The following SCP2 variants were observed in gnomAD, a reference collection of about 807,000 sequenced individuals.
The protein encoded by SCP2 is sterol carrier protein 2, also known as SCP-2/3-oxoacyl-CoA thiolase.
A neutral mutation model predicts 71.4 loss-of-function variants in SCP2; 48 were observed. That is an observed-to-expected ratio of 0.67 (90% CI 0.53 to 0.86). The LOEUF (loss-of-function observed/expected upper bound fraction) is 0.86. Ranked by LOEUF, SCP2 falls within the 40% of genes least tolerant of loss-of-function variation. The pLI is 0.00. For missense variants in SCP2, 560 were observed against 655.6 expected (o/e 0.85, Z 1.59); for synonymous variants, 220 against 218.1 (o/e 1.01, Z -0.08).
intron 1 of SCP2, among the ~76,000 whole-genome samples, chr1:52,932,255 T>C (rs929494213): frequency 6.6e-6 from 1 of 152,166 alleles, no homozygotes; most frequent in Non-Finnish European, 1.5e-5. Context: ...CAAGGCACAT[T>C]ATCCTGAAAT....
At chr1:53,039,355 A>G (rs1035139208) in intron 14 of SCP2, among the ~76,000 whole-genome samples, 1 of 152,224 alleles carries the variant, frequency 6.6e-6, no homozygotes, top group Non-Finnish European at 1.5e-5. Flanking sequence ...TCTCTTCTGT[A>G]AATGGGCTTA....
At chr1:52,960,938 A>T (rs1271260602) in intron 5 of SCP2, among the ~76,000 whole-genome samples, 1 of 151,330 alleles carries the variant, frequency 6.6e-6, no homozygotes. Flanking sequence ...TTTTTAGTAG[A>T]GATAGGGTTC....
In SCP2 at chr1:52,974,832, CGTAA is replaced by C. The variant is rs757585042; in HGVS notation, c.587+4_587+7del. 2.1e-6 allele frequency: 3 copies of C among 1,406,974 alleles called. No individual in the cohort carries two copies. The highest frequency in any genetic ancestry group is 2.3e-5 in the South Asian group (2 of 86,748). 87.2% of individuals were successfully genotyped at this position (1,406,974 alleles called of 1,614,324 possible). ...AATCATAAACATTCAGTTAATAACCCGTAAGTATTTCAGAGACATGAAATAATGA... is the reference window on the plus strand; with the variant it reads ...AATCATAAACATTCAGTTAATAACCCGTATTTCAGAGACATGAAATAATGA... On this transcript the variant is annotated splice_donor_variant and splice_donor_region_variant and intron_variant, in intron 7 of 15. Coordinates refer to ENST00000371514, the MANE Select transcript of SCP2 (RefSeq NM_002979.5). LOFTEE classifies it high-confidence loss of function.
chr1:52,980,631 A>G (rs910267203), intron 10 of SCP2, 88 bp downstream of exon 10: 1 of 1,318,472 alleles, frequency 7.6e-7, no homozygotes, highest in Non-Finnish European at 1.1e-6. Flanking sequence ...TTCACTATTC[A>G]CTTTTCCCTT....
At chr1:52,956,599 A>G (rs1046651374) in intron 5 of SCP2, among the ~76,000 whole-genome samples, 1 of 152,148 alleles carries the variant, frequency 6.6e-6, no homozygotes, top group African/African-American at 2.4e-5. Flanking sequence ...AGCTCTTCCT[A>G]GATGTCAGGG....
At chr1:52,938,292 A>G (rs867449843) in intron 1 of SCP2, among the ~76,000 whole-genome samples, 2 of 152,178 alleles carry the variant, frequency 1.3e-5, no homozygotes, top group African/African-American at 4.8e-5. Context: ...ATGTATGTAT[A>G]TATGCGTGTA....
intron 13 of SCP2, among the ~76,000 whole-genome samples, chr1:53,038,031 C>A (rs1326031531): frequency 6.7e-6 from 1 of 148,634 alleles, no homozygotes; most frequent in Non-Finnish European, 1.5e-5. Context: ...GTAGTCCCAA[C>A]TACTTGGGGG....
intron 11 of SCP2, among the ~76,000 whole-genome samples, chr1:52,988,898 G>A (rs990433108): frequency 2.0e-5 from 3 of 151,750 alleles, no homozygotes; most frequent in African/African-American, 7.3e-5. Flanking sequence ...CACCATGTTG[G>A]CCAGGCTGGT....
At chr1:52,993,716 A>C (rs1557594299) in intron 11 of SCP2, 2 of 1,611,262 alleles carry the variant, frequency 1.2e-6, no homozygotes, top group South Asian at 2.2e-5. Context: ...CCAACTTAGG[A>C]AACAAAACAT....
chr1:52,966,729 C>CAA (rs750547811), intron 6 of SCP2, among the ~76,000 whole-genome samples: 5 of 104,582 alleles, frequency 4.8e-5, no homozygotes, highest in East Asian at 2.5e-4. Flanking sequence ...ACTAAAGATA[C>CAA]AAAAAAAAAA....
chr1:52,968,989 T>A (rs952334745), intron 6 of SCP2, among the ~76,000 whole-genome samples: 2 of 152,066 alleles, frequency 1.3e-5, no homozygotes, highest in Admixed American at 6.6e-5. Flanking sequence ...TACTATTCAT[T>A]AAGTGGAAGG....
intron 8 of SCP2, among the ~76,000 whole-genome samples, chr1:52,976,970 A>T (rs1208058224): frequency 6.6e-6 from 1 of 152,058 alleles, no homozygotes; most frequent in Non-Finnish European, 1.5e-5. Context: ...TTCTCTTGGA[A>T]AATGATGTGT....
intron 6 of SCP2, among the ~76,000 whole-genome samples, chr1:52,965,810 GTT>G (rs371742850): frequency 7.1e-6 from 1 of 140,336 alleles, no homozygotes. Context: ...AATTTTTGTA[GTT>G]TTTTTTTTTT....
intron 9 of SCP2, among the ~76,000 whole-genome samples, chr1:52,978,769 C>A (rs375449555): frequency 6.6e-6 from 1 of 152,200 alleles, no homozygotes; most frequent in East Asian, 1.9e-4. Context: ...TGCCATGTTT[C>A]CCAGGCTGGT....
intron 11 of SCP2, among the ~76,000 whole-genome samples, chr1:52,997,925 C>T (rs1375003400): frequency 1.3e-5 from 2 of 152,218 alleles, no homozygotes; most frequent in Non-Finnish European, 2.9e-5. Context: ...CACCACCAGG[C>T]TGAGATGTTT....
intron 6 of SCP2, among the ~76,000 whole-genome samples, chr1:52,970,441 A>C (rs1318877672): frequency 2.0e-5 from 3 of 152,206 alleles, no homozygotes; most frequent in South Asian, 2.1e-4. Context: ...GCTCAATTGC[A>C]CCATACAAAT....
chr1:52,999,886 A>G (rs1470746256), intron 11 of SCP2, among the ~76,000 whole-genome samples: 1 of 141,070 alleles, frequency 7.1e-6, no homozygotes, highest in African/African-American at 2.7e-5. Context: ...GCATGATCTC[A>G]GCTCATTGCA....
chr1:52,946,362 G>A (rs1654795947), intron 2 of SCP2, among the ~76,000 whole-genome samples: 1 of 151,870 alleles, frequency 6.6e-6, no homozygotes, highest in Admixed American at 6.6e-5. Flanking sequence ...CCAAGTACCT[G>A]GGACCACAGG....
intron 12 of SCP2, among the ~76,000 whole-genome samples, chr1:53,020,031 T>A (rs1661608414): frequency 6.6e-6 from 1 of 151,998 alleles, no homozygotes; most frequent in Non-Finnish European, 1.5e-5. Context: ...GGATTACAGG[T>A]GCATGCCACC....
Sources: allele counts gnomAD v4.1 joint callset (sites outside exome capture counted in the v4.1 genomes callset), GRCh38; gene constraint gnomAD v4.1.1; transcripts MANE v1.5; gene names NCBI Gene and HGNC (gene_info 2026-07-23, HGNC 2026-07-21).